KIF3A: variants seen among roughly 807,000 people sequenced by gnomAD.
The protein encoded by KIF3A is kinesin-like protein KIF3A.
Under a neutral mutation model 92.6 loss-of-function variants are expected in KIF3A, and 27 were observed. That is an observed-to-expected ratio of 0.29 (90% CI 0.21 to 0.40). The LOEUF (loss-of-function observed/expected upper bound fraction) is 0.40. Ranked by LOEUF, KIF3A falls within the 10% of genes least tolerant of loss-of-function variation. The pLI is 1.00. For missense variants in KIF3A, 581 were observed against 872.6 expected (o/e 0.67, Z 4.21); for synonymous variants, 250 against 275.4 (o/e 0.91, Z 0.92).
rs1752736677 is a variant in KIF3A at position 132,693,696 on chromosome 5, T to C, written c.*2938A>G. On this transcript the variant is annotated 3_prime_UTR_variant, in exon 19 of 19. Transcript: ENST00000403231. ...TTGCATATAGATATTCAGACCAGGC[T>C]TGAGGCCAGGCGTGGTGGCTCACAC... 1 of 152,572 alleles carries C rather than the reference T, an allele frequency of 6.6e-6. No homozygotes were observed. Among genetic ancestry groups the C allele is most frequent in the African/African-American group, 2.4e-5 (1 of 41,402 alleles). The allele number at this position is 152,572 out of a possible 1,614,324, so 9.5% of individuals were successfully genotyped here.
intron 8 of KIF3A, 53 bp from the exon 9 acceptor site, chr5:132,711,110 AT>A: frequency 6.6e-7 from 1 of 1,513,802 alleles, no homozygotes; most frequent in Non-Finnish European, 9.2e-7. Context: ...GTCATTAGCT[AT>A]TTAGGAAATA....
rs2149888826 is a variant in KIF3A at position 132,695,115 on chromosome 5, T to A, written c.*1519A>T. On this transcript the variant is annotated 3_prime_UTR_variant, in exon 19 of 19. Transcript: ENST00000403231. ...ATGTGTTTCAGGGCTGATTACATAA[T>A]TTTGAAAACCACAAAACATATATTA... The A allele has an allele frequency of 6.6e-6, 1 of 152,404 alleles. No individual in the cohort carries two copies. Among genetic ancestry groups the A allele is most frequent in the East Asian group, 1.9e-4 (1 of 5,312 alleles). 9.4% of individuals were successfully genotyped at this position (152,404 alleles called of 1,614,324 possible).
chr5:132,737,463 C>T lies in KIF3A; in HGVS notation c.-44G>A. On this transcript the variant is annotated 5_prime_UTR_variant, in exon 1 of 19. Transcript: ENST00000403231. ...CCGGCGGACGTCCCCGCCCGGGGTG[C>T]AGCCCAGCGACACCGGGTGCGCAGA... 1 of 1,597,406 alleles carries T rather than the reference C, an allele frequency of 6.3e-7. No individual in the cohort carries two copies.
intron 11 of KIF3A, among the ~76,000 whole-genome samples, chr5:132,705,912 A>G (rs957102286): frequency 1.3e-5 from 2 of 152,104 alleles, no homozygotes; most frequent in South Asian, 4.1e-4. Flanking sequence ...AACAAAAAAG[A>G]AATCTATTTC....
rs978850705 is a variant in KIF3A, at chr5:132,731,640, C to T, written c.280+2565G>A. ...TACTGGAGGTTCTAGCCTCCAGGTG[C>T]TATCAGGTAACAAAAATAAATTAAA... On this transcript the variant is annotated intron_variant, in intron 2 of 18. Transcript: ENST00000403231. Among the ~76,000 whole-genome samples, 4 of 152,172 alleles carry T rather than the reference C, an allele frequency of 2.6e-5. No homozygotes were observed. The East Asian group carries it at 7.7e-4, about 29-fold the overall frequency.
Position 132,695,381 on chromosome 5 carries a change from A to T in KIF3A, c.*1253T>A, listed in dbSNP as rs1465568808. 6.6e-6 allele frequency: 1 copy of T among 152,254 alleles called. No individual in the cohort carries two copies. Among genetic ancestry groups the T allele is most frequent in the Non-Finnish European group, 1.5e-5 (1 of 68,072 alleles). 9.4% of individuals were successfully genotyped at this position (152,254 alleles called of 1,614,324 possible). ...GAGACAGGGTTTCACCATGTTAGCC[A>T]GGCTGGTCTCGAACTCCTGACATCA... On this transcript the variant is annotated 3_prime_UTR_variant, in exon 19 of 19. Coordinates refer to ENST00000403231, the MANE Select transcript of KIF3A (RefSeq NM_001300791.2).
rs1318606770 is a variant in KIF3A at position 132,726,418 on chromosome 5, C to G, written c.361G>C (p.Gly121Arg). The G allele has an allele frequency of 6.2e-7, 1 of 1,613,756 alleles. No homozygotes were observed. The highest frequency in any genetic ancestry group is 1.7e-5 in the Admixed American group (1 of 60,000). ...TGAGCAAATGAATTGGGAATTATTCCTCTAAGTTCAGGAATAGCTCGAACA... is the reference window on the plus strand; with the variant it reads ...TGAGCAAATGAATTGGGAATTATTCGTCTAAGTTCAGGAATAGCTCGAACA... ...EGVRAIPELRGIIPNSFAHIF... is the reference protein window; with the variant it reads ...EGVRAIPELRRIIPNSFAHIF... The change falls in exon 3 of 19, where the codon GGA becomes CGA. Residue 121 changes from glycine to arginine, a missense_variant. Physicochemically the swap from Gly to Arg is moderately radical, Grantham distance 125. Transcript: ENST00000403231.
chr5:132,700,875 A>C lies in KIF3A; in HGVS notation c.1885-175T>G, dbSNP rs3756755. On this transcript the variant is annotated intron_variant, in intron 15 of 18. Coordinates refer to ENST00000403231, the MANE Select transcript of KIF3A (RefSeq NM_001300791.2). The stretch of plus-strand genomic sequence containing the variant: ...TATTTCTTAGGAATGCATGCAGATG[A>C]AATAAAACTAAATGAAAATGAAAAA... 0.9 allele frequency among the ~76,000 whole-genome samples: 136,298 copies of C among 152,054 alleles called. 61,186 individuals carry two copies. Among genetic ancestry groups the C allele is most frequent in the African/African-American group, 0.93 (38,588 of 41,494 alleles).
At chr5:132,715,276 T>C (rs1288607264) in intron 8 of KIF3A, among the ~76,000 whole-genome samples, 1 of 152,154 alleles carries the variant, frequency 6.6e-6, no homozygotes, top group East Asian at 1.9e-4. Context: ...AAATACAATC[T>C]CATGTTCAAA....
chr5:132,724,578 G>C (rs1158244076), intron 4 of KIF3A, among the ~76,000 whole-genome samples: 1 of 151,498 alleles, frequency 6.6e-6, no homozygotes, highest in African/African-American at 2.4e-5. Flanking sequence ...TCACTTATAG[G>C]TGAGAACTGA....
Position 132,708,972 on chromosome 5 carries a change from C to CT in KIF3A, c.1234dup (p.Ser412LysfsTer5). 6.5e-7 allele frequency: 1 copy of CT among 1,549,696 alleles called. No individual in the cohort carries two copies. Among genetic ancestry groups the CT allele is most frequent in the East Asian group, 2.4e-5 (1 of 40,896 alleles). Reference sequence around the variant, plus strand: ...TGTGGAGTCTGAACTACTGCTGCTGCTACTGCCTGGAAAACAAAGAAATGA... The same window carrying CT: ...TGTGGAGTCTGAACTACTGCTGCTGCTTACTGCCTGGAAAACAAAGAAATGA... On this transcript the variant is annotated frameshift_variant, in exon 10 of 19. Transcript: ENST00000403231. LOFTEE classifies it high-confidence loss of function.
chr5:132,731,477 G>T, intron 2 of KIF3A, among the ~76,000 whole-genome samples: 1 of 152,048 alleles, frequency 6.6e-6, no homozygotes, highest in East Asian at 1.9e-4. Context: ...AGCGAACTAA[G>T]AATAGAAGGG....
chr5:132,725,878 G>A (rs1754016542), intron 4 of KIF3A, among the ~76,000 whole-genome samples: 2 of 152,028 alleles, frequency 1.3e-5, no homozygotes, highest in South Asian at 4.1e-4. Context: ...TTTCCTTGCT[G>A]TATGTCTCAC....
chr5:132,730,948 G>T (rs1056157159), intron 2 of KIF3A, among the ~76,000 whole-genome samples: 9 of 152,130 alleles, frequency 5.9e-5, no homozygotes, highest in Non-Finnish European at 1.2e-4. Context: ...TCCAGCCTGG[G>T]TAACAGAGTG....
At chr5:132,714,432 T>G (rs1753543102) in intron 8 of KIF3A, among the ~76,000 whole-genome samples, 2 of 152,236 alleles carry the variant, frequency 1.3e-5, no homozygotes, top group South Asian at 4.1e-4. Flanking sequence ...TATGCAAGTT[T>G]AACCACAATT....
At chr5:132,724,806 A>AAATAT (rs59476182) in intron 4 of KIF3A, among the ~76,000 whole-genome samples, 1 of 22,698 alleles carries the variant, frequency 4.4e-5, no homozygotes, top group Non-Finnish European at 8.2e-5. Context: ...AAAAAAAAAA[A>AAATAT]ATATATATAT....
At chr5:132,722,418 A>G (rs1753855184) in intron 4 of KIF3A, among the ~76,000 whole-genome samples, 1 of 152,210 alleles carries the variant, frequency 6.6e-6, no homozygotes, top group African/African-American at 2.4e-5. Context: ...TTGTCCTAGA[A>G]TATTTTAGAA....
chr5:132,734,917 T>C (rs1754341766), intron 1 of KIF3A, among the ~76,000 whole-genome samples: 1 of 152,360 alleles, frequency 6.6e-6, no homozygotes, highest in Admixed American at 6.5e-5. Context: ...ATCTGTAAAA[T>C]GGTTTTTATC....
At chr5:132,710,936 T>A (rs770615511) in intron 9 of KIF3A, 23 bp downstream of exon 9, 1 of 1,613,652 alleles carries the variant, frequency 6.2e-7, no homozygotes, top group Non-Finnish European at 8.5e-7. Flanking sequence ...TTTCTACAAA[T>A]CAGATTACTA....
Sources: allele counts gnomAD v4.1 joint callset (sites outside exome capture counted in the v4.1 genomes callset), GRCh38; gene constraint gnomAD v4.1.1; transcripts MANE v1.5; gene names NCBI Gene and HGNC (gene_info 2026-07-23, HGNC 2026-07-21).